EXT1: variants seen among roughly 807,000 people sequenced by gnomAD.
EXT1 encodes the protein exostosin-1.
In EXT1, 20 loss-of-function variants were observed where a neutral mutation model predicts 82.5. The ratio of observed to expected loss-of-function variants is 0.24; its 90% confidence interval spans 0.17 to 0.35. EXT1 has a LOEUF of 0.35. Among genes scored for constraint, EXT1 ranks in the 10% least tolerant of loss-of-function variants. The probability of loss-of-function intolerance (pLI) is 1.00; values close to 1 mark genes in which losing one functional copy is unlikely to be tolerated. For synonymous variants in EXT1, 348 were observed against 350.8 expected, an observed-to-expected ratio of 0.99 and a Z score of 0.09; for missense variants, 757 against 936.5, an observed-to-expected ratio of 0.81 and a Z score of 2.50.
chr8:118,046,992 G>A (rs1159156752), intron 1 of EXT1, among the ~76,000 whole-genome samples: 1 of 152,182 alleles, frequency 6.6e-6, no homozygotes, highest in East Asian at 1.9e-4. Context: ...TTCTGTGGAG[G>A]AGGGGCAGGA....
chr8:117,830,882 T>C (rs17439833), intron 3 of EXT1, among the ~76,000 whole-genome samples: 38,026 of 152,080 alleles, frequency 0.25, 4,941 homozygotes, highest in East Asian at 0.49. Flanking sequence ...CCTTTGAGCC[T>C]TTCTGCTCCC....
chr8:118,043,411 C>T (rs939944002), intron 1 of EXT1, among the ~76,000 whole-genome samples: 6 of 152,192 alleles, frequency 3.9e-5, no homozygotes, highest in Non-Finnish European at 8.8e-5. Context: ...CCAAGAAAAA[C>T]TACACTTCCA....
intron 1 of EXT1, among the ~76,000 whole-genome samples, chr8:118,104,370 A>G (rs1027488575): frequency 1.3e-5 from 2 of 152,204 alleles, no homozygotes; most frequent in Non-Finnish European, 1.5e-5. Flanking sequence ...TTAATTCCGC[A>G]CAACCTGAAG....
chr8:117,808,144 T>C (rs1823264781), intron 8 of EXT1, among the ~76,000 whole-genome samples: 1 of 152,254 alleles, frequency 6.6e-6, no homozygotes, highest in African/African-American at 2.4e-5. Flanking sequence ...GCAAGTGATC[T>C]GTTTTCAAAT....
At chr8:117,887,250 CTGAGA>C (rs1167503842) in intron 1 of EXT1, among the ~76,000 whole-genome samples, 2 of 152,162 alleles carry the variant, frequency 1.3e-5, no homozygotes, top group African/African-American at 2.4e-5. Context: ...TTACGTGACT[CTGAGA>C]TATTTCCTTC....
At chr8:118,028,656 G>A (rs1172895206) in intron 1 of EXT1, among the ~76,000 whole-genome samples, 2 of 152,122 alleles carry the variant, frequency 1.3e-5, no homozygotes, top group Non-Finnish European at 1.5e-5. Context: ...CCAGCCGGGC[G>A]TGGTGGCTCA....
intron 1 of EXT1, among the ~76,000 whole-genome samples, chr8:118,095,750 A>C (rs747900946): frequency 6.6e-6 from 1 of 152,252 alleles, no homozygotes; most frequent in Non-Finnish European, 1.5e-5. Flanking sequence ...ATCAAGTGTC[A>C]TATGATTGTC....
intron 1 of EXT1, among the ~76,000 whole-genome samples, chr8:117,995,240 C>A (rs1815512901): frequency 6.6e-6 from 1 of 152,180 alleles, no homozygotes; most frequent in Non-Finnish European, 1.5e-5. Flanking sequence ...CTCAGCAACC[C>A]AGCAGGGGCC....
chr8:117,805,297 T>C (rs552050626), intron 9 of EXT1, among the ~76,000 whole-genome samples: 1 of 152,200 alleles, frequency 6.6e-6, no homozygotes, highest in Non-Finnish European at 1.5e-5. Flanking sequence ...GATCTATATA[T>C]TATAAAGCTG....
intron 1 of EXT1, among the ~76,000 whole-genome samples, chr8:118,074,023 T>C (rs1253433713): frequency 6.6e-6 from 1 of 150,654 alleles, no homozygotes; most frequent in Non-Finnish European, 1.5e-5. Flanking sequence ...TTCAGACGCT[T>C]CCACTCCCGC....
At chr8:117,939,024 C>T (rs1814222164) in intron 1 of EXT1, among the ~76,000 whole-genome samples, 2 of 152,106 alleles carry the variant, frequency 1.3e-5, no homozygotes, top group African/African-American at 4.8e-5. Context: ...CTCATGCCCC[C>T]TCCTTTTATT....
chr8:118,104,536 C>G (rs139695119), intron 1 of EXT1, among the ~76,000 whole-genome samples: 107 of 152,302 alleles, frequency 7.0e-4, no homozygotes, highest in African/African-American at 2.5e-3. Flanking sequence ...ATGGCAATAG[C>G]TACTTCTCAA....
At chr8:117,847,174 A>G (rs1812375708) in intron 1 of EXT1, among the ~76,000 whole-genome samples, 1 of 152,206 alleles carries the variant, frequency 6.6e-6, no homozygotes, top group South Asian at 2.1e-4. Flanking sequence ...ATTAAAGTGT[A>G]CAGGGGCTAT....
intron 5 of EXT1, among the ~76,000 whole-genome samples, chr8:117,822,140 A>C (rs987802913): frequency 6.6e-6 from 1 of 152,184 alleles, no homozygotes; most frequent in East Asian, 1.9e-4. Context: ...TCTCCATTTT[A>C]TATATGATGA....
chr8:118,025,462 A>G (rs1816186234), intron 1 of EXT1, among the ~76,000 whole-genome samples: 1 of 152,208 alleles, frequency 6.6e-6, no homozygotes, highest in Non-Finnish European at 1.5e-5. Context: ...TTATCTATTC[A>G]TGCCCCACCG....
chr8:118,106,000 CA>C (rs1817798004), intron 1 of EXT1, among the ~76,000 whole-genome samples: 1 of 152,140 alleles, frequency 6.6e-6, no homozygotes, highest in African/African-American at 2.4e-5. Flanking sequence ...TTGAAAGGTT[CA>C]AAAAACTCCT....
rs527245321 is a variant in EXT1, at chr8:117,864,158, G to A, written c.963-26957C>T. ...GATGTTAAGAAAAAATTCTTAAAGC[G>A]TATATTGCAAATCAACAACAAAAAC... On this transcript the variant is annotated intron_variant, in intron 1 of 10. Transcript: ENST00000378204. 1.1e-4 allele frequency among the ~76,000 whole-genome samples: 16 copies of A among 152,244 alleles called. No individual in the cohort carries two copies. The East Asian group carries it at 2.7e-3, about 26-fold the overall frequency.
At chr8:118,035,950 C>T (rs1816410962) in intron 1 of EXT1, among the ~76,000 whole-genome samples, 1 of 152,236 alleles carries the variant, frequency 6.6e-6, no homozygotes, top group East Asian at 1.9e-4. Flanking sequence ...ACTCATCTCT[C>T]TTCCACTACT....
chr8:117,921,642 A>G (rs1026164216), intron 1 of EXT1, among the ~76,000 whole-genome samples: 1 of 152,230 alleles, frequency 6.6e-6, no homozygotes, highest in Non-Finnish European at 1.5e-5. Flanking sequence ...CATGATCTAA[A>G]TCAAACTGAG....
Sources: gnomAD v4.1 joint callset for allele counts (sites outside exome capture counted in the v4.1 genomes callset) on GRCh38, gnomAD v4.1.1 for gene constraint, MANE v1.5 for transcripts, NCBI Gene and HGNC (gene_info 2026-07-23, HGNC 2026-07-21) for gene names.